HIRA: variants seen among roughly 807,000 people sequenced by gnomAD.
HIRA encodes protein HIRA.
In HIRA, 13 loss-of-function variants were observed where a neutral mutation model predicts 126.6. The ratio of observed to expected loss-of-function variants is 0.10; its 90% confidence interval spans 0.07 to 0.16. The LOEUF (loss-of-function observed/expected upper bound fraction) is 0.16, where lower values mean the gene tolerates loss of function less well. Among genes scored for constraint, HIRA ranks in the 10% least tolerant of loss-of-function variants. The pLI is 1.00. For missense variants in HIRA, 834 were observed against 1,314.4 expected (o/e 0.63, Z 5.65); for synonymous variants, 511 against 520.0 (o/e 0.98, Z 0.24).
chr22:19,428,891 G>A (rs1250430471), intron 1 of HIRA, among the ~76,000 whole-genome samples: 2 of 152,142 alleles, frequency 1.3e-5, no homozygotes, highest in African/African-American at 2.4e-5. Context: ...CAATTTTACT[G>A]GCCACTACCC....
Position 19,405,778 on chromosome 22 carries a change from C to T in HIRA, c.397+8G>A. On this transcript the variant is annotated splice_region_variant and intron_variant, in intron 5 of 24. Coordinates refer to ENST00000263208, the MANE Select transcript of HIRA (RefSeq NM_003325.4). Reference sequence around the variant, plus strand: ...GGCCCACCCACCCCAACAGGCAGTCCCACTCACCGCCTGAATGATTCCGGA... The same window carrying T: ...GGCCCACCCACCCCAACAGGCAGTCTCACTCACCGCCTGAATGATTCCGGA... 7.0e-7 allele frequency: 1 copy of T among 1,421,494 alleles called. No individual in the cohort carries two copies. Among genetic ancestry groups the T allele is most frequent in the Non-Finnish European group, 9.3e-7 (1 of 1,075,254 alleles). 88.1% of individuals were successfully genotyped at this position (1,421,494 alleles called of 1,614,324 possible). A position where few individuals can be genotyped will look rare whatever the true frequency, so the allele number is the denominator to read the frequency against.
intron 1 of HIRA, among the ~76,000 whole-genome samples, chr22:19,426,476 T>G (rs1460564734): frequency 5.9e-5 from 9 of 152,212 alleles, no homozygotes; most frequent in Admixed American, 5.9e-4. Flanking sequence ...TCTAGTCACG[T>G]CAAGGTTCAG....
intron 5 of HIRA, among the ~76,000 whole-genome samples, chr22:19,404,080 T>C (rs1423239710): frequency 6.6e-6 from 1 of 152,254 alleles, no homozygotes; most frequent in Non-Finnish European, 1.5e-5. Context: ...ACTCTAATTT[T>C]GTCTAGGTTT....
chr22:19,356,187 T>C (rs1556012492), intron 20 of HIRA, 43 bp downstream of exon 20: 1 of 1,569,380 alleles, frequency 6.4e-7, no homozygotes, highest in Non-Finnish European at 8.8e-7. Context: ...AGACATGAAC[T>C]TGGGCCCCCA....
intron 24 of HIRA, 51 bp from the exon 25 acceptor site, chr22:19,331,607 A>G (rs782044019): frequency 1.1e-5 from 16 of 1,512,682 alleles, no homozygotes; most frequent in Non-Finnish European, 1.4e-5. Flanking sequence ...AGAGACCTAG[A>G]TTGTGGGGAC....
In HIRA at chr22:19,356,223, G is replaced by C. The variant is rs2088810756; in HGVS notation, c.2455+7C>G. 1 of 1,613,012 alleles carries C rather than the reference G, an allele frequency of 6.2e-7. No individual in the cohort carries two copies. The highest frequency in any genetic ancestry group is 8.5e-7 in the Non-Finnish European group (1 of 1,178,964). On this transcript the variant is annotated splice_region_variant and intron_variant, in intron 20 of 24. Transcript: ENST00000263208. ...AAAGAGTAGGGACAGCCTGTTGCCT[G>C]CATTACCTGCCAGGATGGAGTGTAG...
chr22:19,361,651 C>T, intron 16 of HIRA, 76 bp downstream of exon 16: 2 of 1,457,450 alleles, frequency 1.4e-6, no homozygotes, highest in South Asian at 2.3e-5. Context: ...CTGAGGCTTA[C>T]CATGCACACA....
At chr22:19,376,447 C>T (rs1376892386) in intron 14 of HIRA, among the ~76,000 whole-genome samples, 1 of 152,168 alleles carries the variant, frequency 6.6e-6, no homozygotes, top group Non-Finnish European at 1.5e-5. Context: ...CCTAAGCACA[C>T]CCAGGCTAAC....
At chr22:19,336,853 C>T (rs1556006052) in intron 24 of HIRA, among the ~76,000 whole-genome samples, 1 of 152,206 alleles carries the variant, frequency 6.6e-6, no homozygotes, top group Non-Finnish European at 1.5e-5. Flanking sequence ...TGCACCAAAT[C>T]AAGGGATCAC....
In HIRA at chr22:19,346,700, AG is replaced by A. The variant is rs1441386769; in HGVS notation, c.2937+4657del. 2.0e-5 allele frequency among the ~76,000 whole-genome samples: 3 copies of A among 152,228 alleles called. No individual in the cohort carries two copies. The South Asian group carries it at 6.2e-4, about 32-fold the overall frequency. On this transcript the variant is annotated intron_variant, in intron 24 of 24. Transcript: ENST00000263208. ...GGGAGAGCGTTTCTTTTCTGATGAG[AG>A]GGTGAATGTTGCTGTTGCCAGATTT... is the stretch of plus-strand genomic sequence containing the variant.
At chr22:19,414,308 C>G (rs1469312751) in intron 1 of HIRA, among the ~76,000 whole-genome samples, 1 of 152,144 alleles carries the variant, frequency 6.6e-6, no homozygotes, top group Non-Finnish European at 1.5e-5. Flanking sequence ...AGGGCATGCT[C>G]AGGTAGAATC....
chr22:19,334,288 T>G (rs1471782689), intron 24 of HIRA, among the ~76,000 whole-genome samples: 1 of 150,766 alleles, frequency 6.6e-6, no homozygotes. Flanking sequence ...ATTTTCTTCA[T>G]ATATAGTTTT....
intron 24 of HIRA, among the ~76,000 whole-genome samples, chr22:19,336,012 A>G (rs2088563725): frequency 6.6e-6 from 1 of 152,244 alleles, no homozygotes. Context: ...AATTCTTAGC[A>G]TATAGGCTAT....
intron 14 of HIRA, 88 bp downstream of exon 14, chr22:19,377,781 G>A (rs2089032806): frequency 2.5e-6 from 3 of 1,212,942 alleles, no homozygotes; most frequent in Non-Finnish European, 3.4e-6. Flanking sequence ...GCCACAAAGT[G>A]CAAACAGAAT....
At chr22:19,383,729 T>C (rs1400693324) in intron 12 of HIRA, 24 bp from the exon 13 acceptor site, 1 of 1,594,592 alleles carries the variant, frequency 6.3e-7, no homozygotes, top group East Asian at 2.2e-5. Flanking sequence ...GTTACATAAA[T>C]GAATGCAAAA....
chr22:19,359,284 T>C (rs1423105657), intron 18 of HIRA, 52 bp downstream of exon 18: 5 of 1,480,044 alleles, frequency 3.4e-6, no homozygotes, highest in Non-Finnish European at 4.5e-6. Flanking sequence ...CCCAGAATGA[T>C]GGCATGTGTG....
At chr22:19,386,453 C>T (rs977826186) in intron 11 of HIRA, among the ~76,000 whole-genome samples, 7 of 152,244 alleles carry the variant, frequency 4.6e-5, no homozygotes, top group Non-Finnish European at 1.5e-5. Context: ...GGATTCTGCT[C>T]AAGAACAGGG....
chr22:19,392,335 C>T (rs941948462), intron 8 of HIRA, 121 bp from the exon 9 acceptor site: 8 of 570,638 alleles, frequency 1.4e-5, no homozygotes, highest in Non-Finnish European at 1.9e-5. Flanking sequence ...AGGCACTGAG[C>T]ATGCATTTCA....
chr22:19,408,836 T>G (rs1007650878), intron 2 of HIRA, among the ~76,000 whole-genome samples: 8 of 152,124 alleles, frequency 5.3e-5, no homozygotes, highest in African/African-American at 1.4e-4. Context: ...CAAAAAGAAC[T>G]TTAGACTAGC....
Sources: gnomAD v4.1 joint callset for allele counts (sites outside exome capture counted in the v4.1 genomes callset) on GRCh38, gnomAD v4.1.1 for gene constraint, MANE v1.5 for transcripts, NCBI Gene and HGNC (gene_info 2026-07-23, HGNC 2026-07-21) for gene names.